The following SUSD6 variants were observed in gnomAD, a reference collection of about 807,000 sequenced individuals.
SUSD6 encodes sushi domain containing 6, also known as sushi domain-containing protein 6.
Under a neutral mutation model 28.4 loss-of-function variants are expected in SUSD6, and 16 were observed. The ratio of observed to expected loss-of-function variants is 0.56; its 90% CI spans 0.38 to 0.86. The LOEUF (loss-of-function observed/expected upper bound fraction) is 0.86. Ranked by LOEUF, SUSD6 falls within the 40% of genes least tolerant of loss-of-function variation. The pLI, the probability that SUSD6 is intolerant of heterozygous loss-of-function variation, is 0.00. For missense variants in SUSD6, 341 were observed against 384.2 expected (o/e 0.89, Z 0.94); for synonymous variants, 147 against 159.6 (o/e 0.92, Z 0.59).
chr14:69,659,772 G>C (rs897456257), intron 2 of SUSD6, among the ~76,000 whole-genome samples: 1 of 152,274 alleles, frequency 6.6e-6, no homozygotes, highest in Non-Finnish European at 1.5e-5. Context: ...ACCCACCTTG[G>C]CCTCCCAAAA....
chr14:69,643,900 C>T (rs1250971557), intron 1 of SUSD6, among the ~76,000 whole-genome samples: 2 of 152,176 alleles, frequency 1.3e-5, no homozygotes, highest in East Asian at 3.8e-4. Flanking sequence ...GATTTGAATT[C>T]CCTTTTGTGT....
At position 69,708,913 on chromosome 14, in the gene SUSD6, C is replaced by T. The variant is rs1376734480; in HGVS notation, c.695C>T (p.Ala232Val). 3.1e-6 allele frequency: 5 copies of T among 1,614,056 alleles called. No individual in the cohort carries two copies. The highest frequency in any genetic ancestry group is 1.7e-5 in the Admixed American group (1 of 60,004). The change falls in exon 5 of 6, where the codon GCC becomes GTC. Residue 232 changes from alanine to valine, a missense_variant. Ala to Val is a moderately conservative substitution (Grantham distance 64). Coordinates refer to ENST00000342745, the MANE Select transcript of SUSD6 (RefSeq NM_014734.4). The part of the protein sequence containing the change: ...ACSSAGGEDE[A>V]PGQSGLCEAW... ...TCCTCTGCAGGTGGAGAAGATGAGGCCCCAGGCCAGTCTGGACTATGTGAA... is the reference window on the plus strand; with the variant it reads ...TCCTCTGCAGGTGGAGAAGATGAGGTCCCAGGCCAGTCTGGACTATGTGAA...
At chr14:69,628,182 C>T (rs1000265231) in intron 1 of SUSD6, among the ~76,000 whole-genome samples, 1 of 152,124 alleles carries the variant, frequency 6.6e-6, no homozygotes, top group African/African-American at 2.4e-5. Flanking sequence ...ATCCACCCAC[C>T]TCTGCCTCCC....
At chr14:69,677,456 A>G (rs1885928374) in intron 2 of SUSD6, among the ~76,000 whole-genome samples, 1 of 151,708 alleles carries the variant, frequency 6.6e-6, no homozygotes, top group South Asian at 2.1e-4. Context: ...CTGAGGCAGG[A>G]GAATGGCATG....
rs748556748 is a variant in SUSD6, at chr14:69,708,949, C to T, written c.731C>T (p.Ser244Phe). 2.7e-5 allele frequency: 44 copies of T among 1,614,140 alleles called. No individual in the cohort carries two copies. The highest frequency in any genetic ancestry group is 3.5e-5 in the Non-Finnish European group (41 of 1,180,038). ...GQSGLCEAWGSRASETVMVHQ... is the reference protein window; with the variant it reads ...GQSGLCEAWGFRASETVMVHQ... ...TCTGGACTATGTGAAGCCTGGGGCT[C>T]TCGGGCCTCAGAGACTGTGATGGTG... Residue 244 changes from serine (S) to phenylalanine (F), a missense_variant, in exon 5 of 6, where the codon TCT (serine) becomes TTT (phenylalanine). Coordinates refer to ENST00000342745, the MANE Select transcript of SUSD6 (RefSeq NM_014734.4).
chr14:69,659,505 TTTTGTTTGTTTG>T (rs143739135), intron 2 of SUSD6, among the ~76,000 whole-genome samples: 35 of 152,024 alleles, frequency 2.3e-4, no homozygotes, highest in Admixed American at 7.2e-4. Flanking sequence ...CATTGAGCCT[TTTTGTTTGTTTG>T]TTTGTTTGTT....
intron 1 of SUSD6, among the ~76,000 whole-genome samples, chr14:69,628,835 T>C (rs1182428843): frequency 3.3e-5 from 5 of 150,916 alleles, no homozygotes; most frequent in Non-Finnish European, 7.4e-5. Flanking sequence ...CCAACCCCAG[T>C]AGCTGGGACT....
At chr14:69,696,515 G>A (rs958129795) in intron 2 of SUSD6, among the ~76,000 whole-genome samples, 4 of 152,130 alleles carry the variant, frequency 2.6e-5, no homozygotes, top group Non-Finnish European at 5.9e-5. Flanking sequence ...TATAAGAAAG[G>A]GTTTTGAGAG....
In SUSD6 at chr14:69,712,521, G is replaced by T. The variant is rs557027956; in HGVS notation, c.*1542G>T. The T allele has an allele frequency of 6.6e-6, 1 of 152,388 alleles. No homozygotes were observed. The highest frequency in any genetic ancestry group is 2.1e-4 in the South Asian group (1 of 4,830). 9.4% of individuals were successfully genotyped at this position (152,388 alleles called of 1,614,324 possible). ...GCTGGGAAACTTCGAAGCGGACCCT[G>T]TGCTGCATGTCTGCTCCTCCCCTGA... On this transcript the variant is annotated 3_prime_UTR_variant, in exon 6 of 6. Coordinates refer to ENST00000342745, the MANE Select transcript of SUSD6 (RefSeq NM_014734.4).
rs1885306713 is a variant in SUSD6, at chr14:69,638,964, C to T, written c.-80-19549C>T. 2.0e-5 allele frequency among the ~76,000 whole-genome samples: 3 copies of T among 152,106 alleles called. No individual in the cohort carries two copies. The South Asian group carries it at 6.2e-4, about 31-fold the overall frequency. ...CCAAGGTATAAGAACCACAGCCCTTCAGAGGGTGTGTGTGCTTACTCACAA... is the reference window on the plus strand; with the variant it reads ...CCAAGGTATAAGAACCACAGCCCTTTAGAGGGTGTGTGTGCTTACTCACAA... On this transcript the variant is annotated intron_variant, in intron 1 of 5. Transcript: ENST00000342745.
intron 1 of SUSD6, among the ~76,000 whole-genome samples, chr14:69,651,274 T>C (rs1885499955): frequency 1.3e-5 from 2 of 152,184 alleles, no homozygotes; most frequent in African/African-American, 4.8e-5. Flanking sequence ...GGGGTGGTAG[T>C]GTGTCTGCTG....
intron 2 of SUSD6, among the ~76,000 whole-genome samples, chr14:69,677,886 C>T (rs1885937944): frequency 6.6e-6 from 1 of 152,176 alleles, no homozygotes; most frequent in Admixed American, 6.5e-5. Flanking sequence ...CACTTATAAA[C>T]ATGTAATGTG....
At chr14:69,683,249 A>G (rs1038230109) in intron 2 of SUSD6, among the ~76,000 whole-genome samples, 2 of 152,114 alleles carry the variant, frequency 1.3e-5, no homozygotes, top group Admixed American at 6.5e-5. Flanking sequence ...TTAAGCATTT[A>G]GTTTATATAT....
chr14:69,656,310 C>T (rs1282911747), intron 1 of SUSD6, among the ~76,000 whole-genome samples: 1 of 151,984 alleles, frequency 6.6e-6, no homozygotes, highest in Non-Finnish European at 1.5e-5. Context: ...CTCATTTATT[C>T]ACTGCTTAAA....
In SUSD6 at chr14:69,711,444, G is replaced by A; in HGVS notation, c.*465G>A. 5.9e-6 allele frequency: 1 copy of A among 169,366 alleles called. No homozygotes were observed. The highest frequency in any genetic ancestry group is 1.3e-4 in the South Asian group (1 of 7,532). 10.5% of individuals were successfully genotyped at this position (169,366 alleles called of 1,614,324 possible). A position where few individuals can be genotyped will look rare whatever the true frequency, so the allele number is the denominator to read the frequency against. On this transcript the variant is annotated 3_prime_UTR_variant, in exon 6 of 6. Coordinates refer to ENST00000342745, the MANE Select transcript of SUSD6 (RefSeq NM_014734.4). ...TGCACTGCTGCCCCCTGCCACACAG[G>A]GGGCCGGGCCTGGGTCTGTCCTGTT... is the stretch of plus-strand genomic sequence containing the variant.
chr14:69,617,065 C>A (rs1384686687), intron 1 of SUSD6: 1 of 152,206 alleles, frequency 6.6e-6, no homozygotes, highest in Non-Finnish European at 1.5e-5. Context: ...TGGCTTCTTT[C>A]ACTTAGCATA....
In SUSD6 at chr14:69,712,667, T is replaced by A. The variant is rs913067895; in HGVS notation, c.*1688T>A. The A allele has an allele frequency of 1.3e-5, 2 of 152,330 alleles. No homozygotes were observed. Among genetic ancestry groups the A allele is most frequent in the African/African-American group, 4.8e-5 (2 of 41,404 alleles). 9.4% of individuals were successfully genotyped at this position (152,330 alleles called of 1,614,324 possible). A position where few individuals can be genotyped will look rare whatever the true frequency, so the allele number is the denominator to read the frequency against. On this transcript the variant is annotated 3_prime_UTR_variant, in exon 6 of 6. Transcript: ENST00000342745. ...TGAGGGGAGTGGTCTTCTCCCAGCC[T>A]TTTACCCTCTTGCCTCCTGCCTCCG...
At chr14:69,634,899 A>G (rs1317198897) in intron 1 of SUSD6, among the ~76,000 whole-genome samples, 1 of 152,250 alleles carries the variant, frequency 6.6e-6, no homozygotes, top group Non-Finnish European at 1.5e-5. Context: ...TTGAAAAGTA[A>G]TAAATATAGA....
chr14:69,669,166 C>T (rs936064279), intron 2 of SUSD6, among the ~76,000 whole-genome samples: 5 of 148,938 alleles, frequency 3.4e-5, no homozygotes, highest in East Asian at 4.0e-4. Context: ...CAGGTTCAAA[C>T]GATTCTCCTG....
Sources: gnomAD v4.1 joint callset for allele counts (sites outside exome capture counted in the v4.1 genomes callset) on GRCh38, gnomAD v4.1.1 for gene constraint, MANE v1.5 for transcripts, NCBI Gene and HGNC (gene_info 2026-07-23, HGNC 2026-07-21) for gene names.